Variants in SLITRK3 observed in about 807,000 individuals in gnomAD.
The protein encoded by SLITRK3 is SLIT and NTRK-like protein 3.
SLITRK3 carries 16 observed loss-of-function variants against 63.6 expected under a neutral mutation model. That is an observed-to-expected ratio of 0.25 (90% CI 0.17 to 0.38). The LOEUF (loss-of-function observed/expected upper bound fraction) is 0.38, where lower values mean the gene tolerates loss of function less well. Among genes scored for constraint, SLITRK3 ranks in the 10% least tolerant of loss-of-function variants. SLITRK3 has a pLI of 1.00. For synonymous variants in SLITRK3, 547 were observed against 451.6 expected, an observed-to-expected ratio of 1.21 and a Z score of -2.68; for missense variants, 1,117 against 1,181.4, an observed-to-expected ratio of 0.95 and a Z score of 0.80.
At position 165,189,812 on chromosome 3, in the gene SLITRK3, C is replaced by T. The variant is rs749713620; in HGVS notation, c.1019G>A (p.Arg340Gln). ...GGAGGTGGAGGGTGGCCTTGGTGTT[C>T]GAGGCTGTTTGGTGGGCTTAGGCTG... Reference protein sequence around the residue: ...NKQPKPTKQPRTPRPPSTSQA... With the variant: ...NKQPKPTKQPQTPRPPSTSQA... The change falls in exon 2 of 2, where the codon CGA becomes CAA. Residue 340 changes from arginine (R) to glutamine (Q), a missense_variant. Around this residue, in one of 4 missense-constraint regions of SLITRK3, gnomAD observed 452 missense variants for 495.3 expected, o/e 0.91. Coordinates refer to ENST00000475390, the MANE Select transcript of SLITRK3 (RefSeq NM_001318810.2). This position sits in a 1 kb window ranked among gnomAD's most constrained non-coding sequence, Gnocchi z 4.0. 1.4e-5 allele frequency: 23 copies of T among 1,613,822 alleles called. No individual in the cohort carries two copies. The highest frequency in any genetic ancestry group is 8.0e-5 in the African/African-American group (6 of 74,820).
In SLITRK3 at chr3:165,188,673, C is replaced by G. The variant is rs748687866; in HGVS notation, c.2158G>C (p.Gly720Arg). The stretch of plus-strand genomic sequence containing the variant: ...GAAAGAGTTGGTCGACCACCACCCC[C>G]ACTTCCGCCACCACCACCTCCACCA... ...EDGGGGGGGS[G>R]GGGRPTLSSP... Residue 720 changes from glycine to arginine, a missense_variant, in exon 2 of 2, where the codon GGG (glycine) becomes CGG (arginine). Physicochemically the swap from Gly to Arg is moderately radical, Grantham distance 125. This residue lies in a region of SLITRK3 where 499 missense variants were observed against 463.6 expected (regional missense o/e 1.08). Transcript: ENST00000475390. 38 of 1,614,060 alleles carry G rather than the reference C, an allele frequency of 2.4e-5. No homozygotes were observed. The highest frequency in any genetic ancestry group is 3.1e-5 in the Non-Finnish European group (36 of 1,179,994).
chr3:165,188,043 T>C lies in SLITRK3; in HGVS notation c.2788A>G (p.Arg930Gly). 1 of 1,613,954 alleles carries C rather than the reference T, an allele frequency of 6.2e-7. No homozygotes were observed. The highest frequency in any genetic ancestry group is 2.2e-5 in the East Asian group (1 of 44,844). ...GAGAAGAGAAGGGTTTCTTTGAGCC[T>C]GGCATCCTGCTGTAAGTCTGGGTAT... Reference protein sequence around the residue: ...MQYPDLQQDARLKETLLFSAG... With the variant: ...MQYPDLQQDAGLKETLLFSAG... Residue 930 changes from arginine (R) to glycine (G), a missense_variant, in exon 2 of 2, where the codon AGG becomes GGG. Physicochemically the swap from Arg to Gly is moderately radical, Grantham distance 125 (BLOSUM62 -2). Coordinates refer to ENST00000475390, the MANE Select transcript of SLITRK3 (RefSeq NM_001318810.2).
chr3:165,196,938 CT>C (rs1718459775), upstream of SLITRK3: 3 of 129,692 alleles, frequency 2.3e-5, no homozygotes, highest in Non-Finnish European at 5.2e-5. Flanking sequence ...CTCTCTCTGT[CT>C]CTCTCTCTCT....
chr3:165,186,910 T>C lies in SLITRK3; in HGVS notation c.*987A>G, dbSNP rs1398840014. 3 of 152,402 alleles carry C rather than the reference T, an allele frequency of 2.0e-5. No individual in the cohort carries two copies. The highest frequency in any genetic ancestry group is 1.5e-5 in the Non-Finnish European group (1 of 68,006). The allele number at this position is 152,402 out of a possible 1,614,324, so 9.4% of individuals were successfully genotyped here. On this transcript the variant is annotated 3_prime_UTR_variant, in exon 2 of 2. Transcript: ENST00000475390. Reference sequence around the variant, plus strand: ...TTCCTACAAAGCTGTTAGTGATATATACCCAGTTGCTTTTTTTAATATTAT... The same window carrying C: ...TTCCTACAAAGCTGTTAGTGATATACACCCAGTTGCTTTTTTTAATATTAT...
rs150031696 is a variant in SLITRK3, at chr3:165,196,019, C to T, written c.-461G>A. ...TCTGGATTTCTCTCTTTCTCTCTTC[C>T]TCAAAGGTTGTCACTCACAGCGCAA... is the stretch of plus-strand genomic sequence containing the variant. On this transcript the variant is annotated 5_prime_UTR_variant, in exon 1 of 2. Transcript: ENST00000475390. The T allele has an allele frequency of 0.015, 2,327 of 152,816 alleles. 69 individuals are homozygous for T. Among genetic ancestry groups the T allele is most frequent in the African/African-American group, 0.054 (2,223 of 41,550 alleles). The allele number at this position is 152,816 out of a possible 1,614,324, so 9.5% of individuals were successfully genotyped here. A position where few individuals can be genotyped will look rare whatever the true frequency, so the allele number is the denominator to read the frequency against.
chr3:165,193,309 CTTTT>C (rs368652085), intron 1 of SLITRK3, among the ~76,000 whole-genome samples: 62 of 65,240 alleles, frequency 9.5e-4, no homozygotes, highest in East Asian at 3.0e-3. Context: ...TTCTTTCTTT[CTTTT>C]TTTTTAAACT....
At chr3:165,194,618 T>TC (rs939122507) in intron 1 of SLITRK3, among the ~76,000 whole-genome samples, 25 of 143,392 alleles carry the variant, frequency 1.7e-4, no homozygotes, top group Admixed American at 4.1e-4. Context: ...ACCCGCACCC[T>TC]CCCCCCCATC....
chr3:165,191,061 C>T (rs1718206183), intron 1 of SLITRK3, among the ~76,000 whole-genome samples: 1 of 152,188 alleles, frequency 6.6e-6, no homozygotes, highest in Admixed American at 6.5e-5. Flanking sequence ...CATGCAGTGA[C>T]ATTTTCCTGA....
At position 165,188,469 on chromosome 3, in the gene SLITRK3, C is replaced by G. The variant is rs760110516; in HGVS notation, c.2362G>C (p.Gly788Arg). 2 of 1,613,802 alleles carry G rather than the reference C, an allele frequency of 1.2e-6. No individual in the cohort carries two copies. The highest frequency in any genetic ancestry group is 1.7e-5 in the Admixed American group (1 of 59,976). Residue 788 changes from glycine (G) to arginine (R), a missense_variant, in exon 2 of 2, where the codon GGT (glycine) becomes CGT (arginine). Gly to Arg is a moderately radical substitution (Grantham distance 125). Around this residue, in one of 4 missense-constraint regions of SLITRK3, gnomAD observed 499 missense variants for 463.6 expected, o/e 1.08. Transcript: ENST00000475390. ...GGPGTQPPGMGEALLGSEQFA... is the reference protein window; with the variant it reads ...GGPGTQPPGMREALLGSEQFA... ...TGCTCACTTCCTAGGAGAGCCTCAC[C>G]CATTCCCGGTGGTTGTGTCCCTGGA...
At position 165,189,096 on chromosome 3, in the gene SLITRK3, T is replaced by C. The variant is rs759125784; in HGVS notation, c.1735A>G (p.Thr579Ala). 4 of 1,614,042 alleles carry C rather than the reference T, an allele frequency of 2.5e-6. No individual in the cohort carries two copies. The highest frequency in any genetic ancestry group is 3.4e-6 in the Non-Finnish European group (4 of 1,180,044). ...DLVPFKQWIE[T>A]ISSVSVVGDV... ...CCAACCACACTGACTGAGCTGATGG[T>C]TTCGATCCACTGTTTAAAGGGGACC... Residue 579 changes from threonine (T) to alanine (A), a missense_variant, in exon 2 of 2, where the codon ACC becomes GCC. This residue lies in a region of SLITRK3 where 158 missense variants were observed against 197.2 expected (regional missense o/e 0.80). Coordinates refer to ENST00000475390, the MANE Select transcript of SLITRK3 (RefSeq NM_001318810.2). The surrounding 1 kb of genome is among the most constrained non-coding windows in gnomAD (Gnocchi z 4.0).
At position 165,188,836 on chromosome 3, in the gene SLITRK3, G is replaced by T. The variant is rs373181238; in HGVS notation, c.1995C>A (p.Phe665Leu). Residue 665 changes from phenylalanine (F) to leucine (L), a missense_variant, in exon 2 of 2, where the codon TTC (phenylalanine) becomes TTA (leucine). Coordinates refer to ENST00000475390, the MANE Select transcript of SLITRK3 (RefSeq NM_001318810.2). ...VLILSLLVLF[F>L]SAVFVAAGLF... ...GGCCTGCAGCAACAAAGACTGCTGA[G>T]AAAAACAGAACCAGCAGGCTGAGAA... is the stretch of plus-strand genomic sequence containing the variant. 28 of 1,614,036 alleles carry T rather than the reference G, an allele frequency of 1.7e-5. No homozygotes were observed. The highest frequency in any genetic ancestry group is 2.4e-5 in the Non-Finnish European group (28 of 1,180,040).
chr3:165,193,526 G>T (rs1379344774), intron 1 of SLITRK3, among the ~76,000 whole-genome samples: 1 of 152,050 alleles, frequency 6.6e-6, no homozygotes, highest in African/African-American at 2.4e-5. Context: ...TGGGTGTCCC[G>T]AATAAGAGCT....
At position 165,188,179 on chromosome 3, in the gene SLITRK3, T is replaced by C. The variant is rs1718031236; in HGVS notation, c.2652A>G (p.Leu884=). The change falls in exon 2 of 2, where the codon CTA becomes CTG. Residue 884 remains leucine, a synonymous_variant. Coordinates refer to ENST00000475390, the MANE Select transcript of SLITRK3 (RefSeq NM_001318810.2). Reference sequence around the variant, plus strand: ...CAGGCTGTGGCCTCTCTCGATCTAGTAGCATACTGCCACTACCACAGCCTC... The same window carrying C: ...CAGGCTGTGGCCTCTCTCGATCTAGCAGCATACTGCCACTACCACAGCCTC... The part of the protein sequence containing the change: ...PGGGCGSGSM[L]LDRERPQPAP... The C allele has an allele frequency of 6.2e-7, 1 of 1,613,722 alleles. No individual in the cohort carries two copies.
rs776248026 is a variant in SLITRK3 at position 165,190,378 on chromosome 3, T to C, written c.453A>G (p.Leu151=). 4 of 1,614,142 alleles carry C rather than the reference T, an allele frequency of 2.5e-6. No homozygotes were observed. The highest frequency in any genetic ancestry group is 3.4e-6 in the Non-Finnish European group (4 of 1,180,010). Reference sequence around the variant, plus strand: ...CATTGTAATCTGCCTGCAGATATTCTAGACTTTCCAAGCCAAGGAAGGTGT... The same window carrying C: ...CATTGTAATCTGCCTGCAGATATTCCAGACTTTCCAAGCCAAGGAAGGTGT... ...RNDTFLGLES[L]EYLQADYNVI... Residue 151 remains leucine (L), a synonymous_variant, in exon 2 of 2, where the codon CTA becomes CTG. Coordinates refer to ENST00000475390, the MANE Select transcript of SLITRK3 (RefSeq NM_001318810.2).
chr3:165,189,081 T>A lies in SLITRK3; in HGVS notation c.1750A>T (p.Ser584Cys). The part of the protein sequence containing the change: ...KQWIETISSV[S>C]VVGDVLCRSP... ...CTGCAAAGCACATCACCAACCACAC[T>A]GACTGAGCTGATGGTTTCGATCCAC... The change falls in exon 2 of 2, where the codon AGT becomes TGT. Residue 584 changes from serine (S) to cysteine (C), a missense_variant. This residue lies in a region of SLITRK3 where 158 missense variants were observed against 197.2 expected (regional missense o/e 0.80). Transcript: ENST00000475390. The surrounding 1 kb of genome is among the most constrained non-coding windows in gnomAD (Gnocchi z 4.0). 2 of 1,614,192 alleles carry A rather than the reference T, an allele frequency of 1.2e-6. No individual in the cohort carries two copies. Among genetic ancestry groups the A allele is most frequent in the Non-Finnish European group, 1.7e-6 (2 of 1,180,032 alleles).
intron 1 of SLITRK3, among the ~76,000 whole-genome samples, chr3:165,193,818 C>G (rs1300502808): frequency 6.6e-6 from 1 of 151,980 alleles, no homozygotes; most frequent in African/African-American, 2.4e-5. Flanking sequence ...CGTTCTTTCT[C>G]TTTCTTATTT....
Position 165,189,852 on chromosome 3 carries a change from T to G in SLITRK3, c.979A>C (p.Lys327Gln). Residue 327 changes from lysine (K) to glutamine (Q), a missense_variant, in exon 2 of 2, where the codon AAG (lysine) becomes CAG (glutamine). Lys to Gln is a moderately conservative substitution (Grantham distance 53). Transcript: ENST00000475390. The surrounding 1 kb of genome is among the most constrained non-coding windows in gnomAD (Gnocchi z 4.0). ...VHFTASSVEY[K>Q]SSNKQPKPTK... is the part of the protein sequence containing the mutation. ...GGCTTAGGCTGTTTATTTGAGGACT[T>G]GTATTCGACAGAAGAAGCAGTAAAA... 1.2e-6 allele frequency: 2 copies of G among 1,614,090 alleles called. No homozygotes were observed. Among genetic ancestry groups the G allele is most frequent in the Non-Finnish European group, 1.7e-6 (2 of 1,180,026 alleles).
chr3:165,188,024 A>C lies in SLITRK3; in HGVS notation c.2807T>G (p.Leu936Arg), dbSNP rs749725638. The change falls in exon 2 of 2, where the codon CTC becomes CGC. Residue 936 changes from leucine to arginine, a missense_variant. Physicochemically the swap from Leu to Arg is moderately radical, Grantham distance 102 (BLOSUM62 -2). Coordinates refer to ENST00000475390, the MANE Select transcript of SLITRK3 (RefSeq NM_001318810.2). ...TGTGAAGCCCTTTCCAGCCGAGAAG[A>C]GAAGGGTTTCTTTGAGCCTGGCATC... ...QQDARLKETLLFSAGKGFTDH... is the reference protein window; with the variant it reads ...QQDARLKETLRFSAGKGFTDH... The C allele has an allele frequency of 1.9e-6, 3 of 1,613,822 alleles. No individual in the cohort carries two copies. Among genetic ancestry groups the C allele is most frequent in the Middle Eastern group, 1.6e-4 (1 of 6,062 alleles).
intron 1 of SLITRK3, among the ~76,000 whole-genome samples, chr3:165,194,510 A>C (rs989711868): frequency 6.6e-6 from 1 of 152,026 alleles, no homozygotes; most frequent in Non-Finnish European, 1.5e-5. Context: ...TTCCAGACTC[A>C]CCCTATTGCT....
Sources: gnomAD v4.1 joint callset for allele counts (sites outside exome capture counted in the v4.1 genomes callset) on GRCh38, gnomAD v4.1.1 for gene constraint, gnomAD v4.1.1 regional missense constraint, Gnocchi (gnomAD v3.1) non-coding constraint, MANE v1.5 for transcripts, NCBI Gene and HGNC (gene_info 2026-07-23, HGNC 2026-07-21) for gene names.